The following NR1D2 variants were observed in gnomAD, a reference collection of about 807,000 sequenced individuals.
NR1D2 encodes the protein V-erbA-related protein 1-related.
NR1D2 carries 25 observed loss-of-function variants against 52.2 expected under a neutral mutation model. The observed-to-expected ratio is 0.48, with a 90% confidence interval of 0.35 to 0.67. The LOEUF is 0.67. NR1D2 is among the 30% of genes least tolerant of loss of function. The pLI is 0.01. For synonymous variants in NR1D2, 259 were observed against 230.1 expected, an observed-to-expected ratio of 1.13 and a Z score of -1.14; for missense variants, 681 against 707.2, an observed-to-expected ratio of 0.96 and a Z score of 0.42.
At chr3:23,953,546 G>C (rs1232302164) in intron 1 of NR1D2, among the ~76,000 whole-genome samples, 1 of 152,040 alleles carries the variant, frequency 6.6e-6, no homozygotes, top group African/African-American at 2.4e-5. Context: ...AGTGAGTCTG[G>C]ATTTCTTAAG....
chr3:23,974,728 C>T (rs1212658548), intron 7 of NR1D2, among the ~76,000 whole-genome samples: 2 of 151,778 alleles, frequency 1.3e-5, no homozygotes, highest in African/African-American at 4.8e-5. Context: ...TATGATTGAC[C>T]AAAGTTAAAT....
Position 23,964,510 on chromosome 3 carries a change from G to C in NR1D2, c.1147-467G>C, listed in dbSNP as rs1192664782. Among the ~76,000 whole-genome samples the C allele has an allele frequency of 3.9e-5, 6 of 152,224 alleles. No homozygotes were observed. The Middle Eastern group carries it at 0.01, about 259-fold the overall frequency. On this transcript the variant is annotated intron_variant, in intron 5 of 7. Coordinates refer to ENST00000312521, the MANE Select transcript of NR1D2 (RefSeq NM_005126.5). ...TTAACTAAATGTGAATTTGGGCCTA[G>C]GCTTGTGACTTCTGGCTGTGTTGGA... is the stretch of plus-strand genomic sequence containing the variant.
chr3:23,953,497 A>G (rs1165562862), intron 1 of NR1D2, among the ~76,000 whole-genome samples: 1 of 152,170 alleles, frequency 6.6e-6, no homozygotes, highest in African/African-American at 2.4e-5. Flanking sequence ...TTCTTCTAGC[A>G]TCTTTAACAC....
intron 5 of NR1D2, chr3:23,963,257 A>C (rs1706335009): frequency 7.4e-7 from 1 of 1,351,626 alleles, no homozygotes; most frequent in Non-Finnish European, 9.8e-7. Flanking sequence ...ATTTCACCAA[A>C]AACAGCAGTA....
chr3:23,947,046 T>C (rs13321439), intron 1 of NR1D2, among the ~76,000 whole-genome samples: 22,289 of 152,220 alleles, frequency 0.15, 2,355 homozygotes, highest in African/African-American at 0.29. Flanking sequence ...TAACCTGTTG[T>C]CTCACAAAAA....
intron 3 of NR1D2, among the ~76,000 whole-genome samples, chr3:23,957,690 T>TC (rs1348597733): frequency 3.3e-5 from 5 of 151,110 alleles, no homozygotes; most frequent in Admixed American, 2.6e-4. Context: ...ACCACTGCAC[T>TC]CCAAGCCTGG....
At chr3:23,954,494 A>G (rs1559330931) in intron 1 of NR1D2, 43 bp from the exon 2 acceptor site, 1 of 1,544,692 alleles carries the variant, frequency 6.5e-7, no homozygotes. Flanking sequence ...AAAAATACGT[A>G]TTATCTTGTA....
chr3:23,966,156 A>G (rs1706444474), intron 6 of NR1D2, among the ~76,000 whole-genome samples: 1 of 152,102 alleles, frequency 6.6e-6, no homozygotes, highest in Non-Finnish European at 1.5e-5. Context: ...ATTAAGGACA[A>G]CTCTGAGATT....
chr3:23,971,301 C>CTTTTT (rs1553599104), intron 7 of NR1D2, among the ~76,000 whole-genome samples: 2 of 110,898 alleles, frequency 1.8e-5, no homozygotes, highest in South Asian at 3.5e-4. Context: ...ATCTCTATAC[C>CTTTTT]TATTTTTTTT....
At chr3:23,955,920 G>T in intron 2 of NR1D2, 117 bp from the exon 3 acceptor site, 1 of 634,156 alleles carries the variant, frequency 1.6e-6, no homozygotes, top group South Asian at 2.3e-5. Context: ...CATTATGAAA[G>T]TAGATGTGTA....
chr3:23,974,145 C>A (rs1706662861), intron 7 of NR1D2, among the ~76,000 whole-genome samples: 1 of 127,030 alleles, frequency 7.9e-6, no homozygotes, highest in Admixed American at 1.0e-4. Flanking sequence ...GTGGCTCATG[C>A]CTGTAATCCC....
At chr3:23,954,148 T>C (rs1706020459) in intron 1 of NR1D2, among the ~76,000 whole-genome samples, 1 of 152,150 alleles carries the variant, frequency 6.6e-6, no homozygotes, top group Non-Finnish European at 1.5e-5. Flanking sequence ...CTACTAGAGG[T>C]GCTGGGTGCA....
chr3:23,960,077 A>G (rs1010467779), intron 4 of NR1D2, among the ~76,000 whole-genome samples: 9 of 152,096 alleles, frequency 5.9e-5, no homozygotes, highest in African/African-American at 2.2e-4. Flanking sequence ...CAATTTGATT[A>G]CTTTTTATTT....
Position 23,946,152 on chromosome 3 carries a change from A to G in NR1D2, c.16+558A>G, listed in dbSNP as rs905779874. The G allele has an allele frequency of 1.8e-5, 18 of 984,858 alleles. No individual in the cohort carries two copies. In the African/African-American group the frequency reaches 2.8e-4, roughly 15 times the overall value. The allele number at this position is 984,858 out of a possible 1,614,324, so 61.0% of individuals were successfully genotyped here. The stretch of plus-strand genomic sequence containing the variant: ...TCCCCCGCGGGGTTGCACACTGCGG[A>G]GGAGGCCGCGCGTGCGCGCCCGCTG... On this transcript the variant is annotated intron_variant, in intron 1 of 7. Coordinates refer to ENST00000312521, the MANE Select transcript of NR1D2 (RefSeq NM_005126.5).
intron 7 of NR1D2, among the ~76,000 whole-genome samples, chr3:23,969,308 A>C (rs1706528733): frequency 2.0e-5 from 3 of 151,710 alleles, no homozygotes; most frequent in Admixed American, 1.3e-4. Flanking sequence ...AACAAAAACA[A>C]CAAAAAAAAA....
chr3:23,952,516 C>T (rs1342455721), intron 1 of NR1D2, among the ~76,000 whole-genome samples: 2 of 151,708 alleles, frequency 1.3e-5, no homozygotes, highest in Non-Finnish European at 2.9e-5. Flanking sequence ...TCGTGACCAG[C>T]CTGGGCAACA....
At chr3:23,961,654 C>G (rs570379250) in intron 4 of NR1D2, among the ~76,000 whole-genome samples, 1 of 151,972 alleles carries the variant, frequency 6.6e-6, no homozygotes, top group Non-Finnish European at 1.5e-5. Flanking sequence ...CCTCAGCCTC[C>G]CAAAGTGCTG....
intron 1 of NR1D2, among the ~76,000 whole-genome samples, chr3:23,950,984 C>T (rs1705914222): frequency 6.7e-6 from 1 of 149,708 alleles, no homozygotes; most frequent in Non-Finnish European, 1.5e-5. Flanking sequence ...CGGCTCACCG[C>T]AACCTCCGCC....
intron 1 of NR1D2, among the ~76,000 whole-genome samples, chr3:23,952,296 C>T (rs984526002): frequency 3.3e-5 from 5 of 152,196 alleles, no homozygotes. Context: ...ATTTGCACCT[C>T]TCACCTCATG....
Sources: allele counts gnomAD v4.1 joint callset (sites outside exome capture counted in the v4.1 genomes callset), GRCh38; gene constraint gnomAD v4.1.1; transcripts MANE v1.5; gene names NCBI Gene and HGNC (gene_info 2026-07-23, HGNC 2026-07-21).